The following MECOM variants were observed in gnomAD, a reference collection of about 807,000 sequenced individuals.
MECOM encodes histone-lysine N-methyltransferase MECOM.
Under a neutral mutation model 116.3 loss-of-function variants are expected in MECOM, and 13 were observed. That is an observed-to-expected ratio of 0.11 (90% CI 0.07 to 0.18). The LOEUF (loss-of-function observed/expected upper bound fraction) is 0.18, where lower values mean the gene tolerates loss of function less well. MECOM is among the 10% of genes least tolerant of loss of function. The probability of loss-of-function intolerance (pLI) is 1.00; values close to 1 mark genes in which losing one functional copy is unlikely to be tolerated. For synonymous variants in MECOM, 528 were observed against 535.2 expected (o/e 0.99, Z 0.19); for missense variants, 1,299 against 1,509.0 (o/e 0.86, Z 2.31).
At chr3:169,151,725 TTC>T (rs1471185703) in intron 2 of MECOM, among the ~76,000 whole-genome samples, 2 of 152,210 alleles carry the variant, frequency 1.3e-5, no homozygotes, top group Non-Finnish European at 2.9e-5. Context: ...ATGCTTCCTT[TTC>T]CATGTCAGAA....
intron 9 of MECOM, 116 bp from the exon 10 acceptor site, chr3:169,108,068 T>A: frequency 1.4e-6 from 1 of 732,074 alleles, no homozygotes; most frequent in Non-Finnish European, 2.3e-6. Context: ...GCTTATCATG[T>A]AACTGTACCT....
intron 2 of MECOM, among the ~76,000 whole-genome samples, chr3:169,342,524 A>T (rs1223561644): frequency 1.3e-5 from 2 of 152,166 alleles, no homozygotes; most frequent in African/African-American, 4.8e-5. Context: ...TCTTTTGCAC[A>T]TTGCTCTTAT....
chr3:169,200,989 A>G (rs773107043), intron 2 of MECOM, among the ~76,000 whole-genome samples: 8 of 152,072 alleles, frequency 5.3e-5, no homozygotes, highest in African/African-American at 9.7e-5. Context: ...CCCACAAGCT[A>G]TCTTACTCTC....
chr3:169,483,455 C>T (rs912979184), intron 1 of MECOM, among the ~76,000 whole-genome samples: 28 of 140,564 alleles, frequency 2.0e-4, no homozygotes, highest in Admixed American at 1.9e-3. Context: ...TCACCCTCTC[C>T]TTCTACTCTG....
chr3:169,606,290 G>T (rs1180568518), intron 1 of MECOM, among the ~76,000 whole-genome samples: 1 of 151,880 alleles, frequency 6.6e-6, no homozygotes, highest in Admixed American at 6.6e-5. Context: ...GTGCATGCTT[G>T]TAATCCCAGC....
chr3:169,149,247 T>C (rs1478707861), intron 2 of MECOM, among the ~76,000 whole-genome samples: 1 of 151,680 alleles, frequency 6.6e-6, no homozygotes, highest in Non-Finnish European at 1.5e-5. Flanking sequence ...GATCAGGGGG[T>C]CTGGGAGCTC....
rs575902370 is a variant in MECOM, at chr3:169,360,289, A to AT, written c.375+20897dup. On this transcript the variant is annotated intron_variant, in intron 2 of 16. Coordinates refer to ENST00000651503, the MANE Select transcript of MECOM (RefSeq NM_004991.4). ...CTCAGACCCTAAAACTTAAAGTATAATAAAAAAAAAAAAAAAAAAAAAGTT... is the reference window on the plus strand; with the variant it reads ...CTCAGACCCTAAAACTTAAAGTATAATTAAAAAAAAAAAAAAAAAAAAAGTT... Among the ~76,000 whole-genome samples, 875 of 131,642 alleles carry AT rather than the reference A, an allele frequency of 6.6e-3. 7 individuals carry two copies. The highest frequency in any genetic ancestry group is 9.4e-3 in the Non-Finnish European group (604 of 64,050). The allele number at this position is 131,642 out of a possible 152,430, so 86.4% of individuals were successfully genotyped here.
At chr3:169,636,310 C>G (rs1053617361) in intron 1 of MECOM, among the ~76,000 whole-genome samples, 2 of 152,154 alleles carry the variant, frequency 1.3e-5, no homozygotes, top group African/African-American at 4.8e-5. Context: ...ATTCCCTTCC[C>G]CTAGTAAGAA....
intron 2 of MECOM, among the ~76,000 whole-genome samples, chr3:169,260,461 AT>A (rs200384707): frequency 0.2 from 27,646 of 141,136 alleles, 3,374 homozygotes; most frequent in African/African-American, 0.35. Flanking sequence ...GCATGCAATG[AT>A]TTTTTTTTTT....
intron 1 of MECOM, among the ~76,000 whole-genome samples, chr3:169,652,699 C>T (rs1351849640): frequency 6.6e-6 from 1 of 152,152 alleles, no homozygotes; most frequent in African/African-American, 2.4e-5. Flanking sequence ...ATCAGTAAAA[C>T]AAGATTCAAT....
Position 169,299,859 on chromosome 3 carries a change from AT to A in MECOM, c.375+81327del, listed in dbSNP as rs112743939. ...AATATAAAAATAAACAAATTGCATA[AT>A]TTTTTTTACAAATAGGCTGGAGAGA... On this transcript the variant is annotated intron_variant, in intron 2 of 16. Coordinates refer to ENST00000651503, the MANE Select transcript of MECOM (RefSeq NM_004991.4). Among the ~76,000 whole-genome samples the A allele has an allele frequency of 0.012, 1,902 of 152,216 alleles. 109 individuals are homozygous for A. In the East Asian group the frequency reaches 0.18, roughly 15 times the overall value.
intron 2 of MECOM, among the ~76,000 whole-genome samples, chr3:169,256,027 ATAAT>A (rs1160931287): frequency 4.6e-5 from 7 of 152,222 alleles, no homozygotes; most frequent in Non-Finnish European, 5.9e-5. Flanking sequence ...AATTTGAAAG[ATAAT>A]TAACCTATTT....
At chr3:169,502,059 C>A (rs1344533266) in intron 1 of MECOM, among the ~76,000 whole-genome samples, 1 of 152,072 alleles carries the variant, frequency 6.6e-6, no homozygotes, top group Admixed American at 6.5e-5. Flanking sequence ...GTGGGAAAAG[C>A]AACATTATTT....
chr3:169,094,201 T>C (rs1421327573), intron 13 of MECOM, among the ~76,000 whole-genome samples: 1 of 152,158 alleles, frequency 6.6e-6, no homozygotes, highest in Non-Finnish European at 1.5e-5. Context: ...GGAAGAAAGA[T>C]TAATAATTAA....
At chr3:169,573,297 C>T (rs115844845) in intron 1 of MECOM, among the ~76,000 whole-genome samples, 22 of 152,230 alleles carry the variant, frequency 1.4e-4, no homozygotes, top group Non-Finnish European at 2.4e-4. Flanking sequence ...ATTTAAGAAA[C>T]ATCTAAGCAT....
At chr3:169,441,744 T>TTGTTTTTTTTTTTTTTTTTTTTTTTG in intron 1 of MECOM, among the ~76,000 whole-genome samples, 1 of 142,104 alleles carries the variant, frequency 7.0e-6, no homozygotes, top group East Asian at 2.1e-4. Context: ...TTTTTTTTTT[T>TTGTTTTTTTTTTTTTTTTTTTTTTTG]AAAAAAGGGG....
rs1408903928 is a variant in MECOM at position 169,219,568 on chromosome 3, T to C, written c.376-75736A>G. 2.2e-4 allele frequency among the ~76,000 whole-genome samples: 33 copies of C among 152,032 alleles called. 1 individual carries two copies. The highest frequency in any genetic ancestry group is 2.2e-3 in the Admixed American group (33 of 15,256). On this transcript the variant is annotated intron_variant, in intron 2 of 16. Transcript: ENST00000651503. ...TCATTCCTAGGTTAGAAGGTAAACT[T>C]ATAGCTAACTTTCTTCTTGGCAAAA...
intron 7 of MECOM, 94 bp downstream of exon 7, chr3:169,120,962 C>T (rs1365865903): frequency 7.5e-7 from 1 of 1,326,104 alleles, no homozygotes; most frequent in East Asian, 2.4e-5. Context: ...ACACGGTGAC[C>T]CTCTAAAGGC....
At chr3:169,546,833 T>C (rs1255101806) in intron 1 of MECOM, among the ~76,000 whole-genome samples, 3 of 152,266 alleles carry the variant, frequency 2.0e-5, no homozygotes, top group African/African-American at 7.2e-5. Context: ...GTTTCTGGTA[T>C]GTACTATCTC....
Sources: allele counts gnomAD v4.1 joint callset (sites outside exome capture counted in the v4.1 genomes callset), GRCh38; gene constraint gnomAD v4.1.1; transcripts MANE v1.5; gene names NCBI Gene and HGNC (gene_info 2026-07-23, HGNC 2026-07-21).